The following ASCC3 variants were observed in gnomAD, a reference collection of about 807,000 sequenced individuals.
ASCC3 encodes the protein activating signal cointegrator 1 complex subunit 3, also known as ASC-1 complex subunit P200.
ASCC3 carries 158 observed loss-of-function variants against 256.3 expected under a neutral mutation model. The ratio of observed to expected loss-of-function variants is 0.62; its 90% CI spans 0.54 to 0.70. The LOEUF (loss-of-function observed/expected upper bound fraction) is 0.70. Ranked by LOEUF, ASCC3 falls within the 30% of genes least tolerant of loss-of-function variation. The pLI is 0.00. For missense variants in ASCC3, 2,259 were observed against 2,626.0 expected, an observed-to-expected ratio of 0.86 and a Z score of 3.05; for synonymous variants, 948 against 883.4, an observed-to-expected ratio of 1.07 and a Z score of -1.30.
chr6:100,533,425 A>C (rs977838083), intron 37 of ASCC3, among the ~76,000 whole-genome samples: 3 of 152,214 alleles, frequency 2.0e-5, no homozygotes, highest in African/African-American at 7.2e-5. Context: ...TAAATCTTAA[A>C]ATACATACAA....
intron 41 of ASCC3, 149 bp from the exon 42 acceptor site, chr6:100,509,682 C>CGA: frequency 2.3e-6 from 2 of 864,092 alleles, no homozygotes; most frequent in South Asian, 3.1e-5. Flanking sequence ...GGGCGGATCA[C>CGA]GAGGTCAGGA....
intron 13 of ASCC3, among the ~76,000 whole-genome samples, chr6:100,685,189 A>AC (rs1280948684): frequency 3.3e-5 from 5 of 152,206 alleles, no homozygotes; most frequent in Non-Finnish European, 5.9e-5. Context: ...AATATGGCAG[A>AC]TAGATGTCCC....
In ASCC3 at chr6:100,750,517, A is replaced by C. The variant is rs971465905; in HGVS notation, c.1737+16048T>G. On this transcript the variant is annotated intron_variant, in intron 10 of 41. Transcript: ENST00000369162. ...GAACTGTCATGGAATTTCTAGCTAC[A>C]TACCAACATTTGTGAAAAACACAAG... Among the ~76,000 whole-genome samples the C allele has an allele frequency of 1.2e-4, 18 of 147,194 alleles. 1 individual carries two copies. Among genetic ancestry groups the C allele is most frequent in the African/African-American group, 4.5e-4 (18 of 39,870 alleles).
intron 36 of ASCC3, among the ~76,000 whole-genome samples, chr6:100,546,241 A>G (rs1775712368): frequency 6.6e-6 from 1 of 152,198 alleles, no homozygotes; most frequent in African/African-American, 2.4e-5. Context: ...ACTGCTAGGA[A>G]AAAATAAAGA....
intron 4 of ASCC3, among the ~76,000 whole-genome samples, chr6:100,812,072 A>T (rs1191860466): frequency 6.6e-6 from 1 of 152,202 alleles, no homozygotes; most frequent in Non-Finnish European, 1.5e-5. Context: ...TCTCCGTAAC[A>T]AACAACATCA....
chr6:100,511,809 G>T (rs1025092934), intron 40 of ASCC3, among the ~76,000 whole-genome samples: 1 of 152,084 alleles, frequency 6.6e-6, no homozygotes, highest in Non-Finnish European at 1.5e-5. Context: ...ATCAAATGAG[G>T]TGAGACTTGA....
At chr6:100,557,760 TAGAA>T (rs1046697467) in intron 36 of ASCC3, among the ~76,000 whole-genome samples, 13 of 152,200 alleles carry the variant, frequency 8.5e-5, no homozygotes, top group South Asian at 4.1e-4. Context: ...AAAAAATAGT[TAGAA>T]AGAATAAGAC....
At chr6:100,555,752 A>C (rs1227746851) in intron 36 of ASCC3, among the ~76,000 whole-genome samples, 1 of 152,238 alleles carries the variant, frequency 6.6e-6, no homozygotes, top group East Asian at 1.9e-4. Context: ...GTCAGGTTTG[A>C]ATCCTAAAAA....
intron 4 of ASCC3, among the ~76,000 whole-genome samples, chr6:100,842,921 A>C (rs997955311): frequency 2.2e-4 from 34 of 152,016 alleles, no homozygotes; most frequent in African/African-American, 7.7e-4. Flanking sequence ...GTTATAGTAA[A>C]CTATGATCAT....
chr6:100,837,593 C>G (rs1771937876), intron 4 of ASCC3, among the ~76,000 whole-genome samples: 1 of 151,932 alleles, frequency 6.6e-6, no homozygotes, highest in African/African-American at 2.4e-5. Flanking sequence ...CATGGATGAA[C>G]CTGGAGGACA....
At chr6:100,593,839 C>A (rs1455737815) in intron 34 of ASCC3, among the ~76,000 whole-genome samples, 1 of 151,990 alleles carries the variant, frequency 6.6e-6, no homozygotes, top group Non-Finnish European at 1.5e-5. Context: ...CAGAGTAAAA[C>A]TGAACATACA....
In ASCC3 at chr6:100,548,882, A is replaced by G. The variant is rs561268735; in HGVS notation, c.5551-8495T>C. Among the ~76,000 whole-genome samples, 3 of 152,104 alleles carry G rather than the reference A, an allele frequency of 2.0e-5. No homozygotes were observed. The South Asian group carries it at 6.2e-4, about 32-fold the overall frequency. On this transcript the variant is annotated intron_variant, in intron 36 of 41. Transcript: ENST00000369162. Reference sequence around the variant, plus strand: ...CTCCGGATAGTAACAAGCCTTATATATACTATGTTTTTCCTATGTATACAT... The same window carrying G: ...CTCCGGATAGTAACAAGCCTTATATGTACTATGTTTTTCCTATGTATACAT...
In ASCC3 at chr6:100,642,676, A is replaced by C; in HGVS notation, c.3806T>G (p.Ile1269Ser). Residue 1269 changes from isoleucine to serine, a missense_variant, in exon 24 of 42, where the codon ATC (isoleucine) becomes AGC (serine). Ile to Ser is a moderately radical substitution (Grantham distance 142, BLOSUM62 -2). Transcript: ENST00000369162. Reference protein sequence around the residue: ...IFEPLPSQYYIRAVSDRWLGA... With the variant: ...IFEPLPSQYYSRAVSDRWLGA... The stretch of plus-strand genomic sequence containing the variant: ...CAACCATCTATCAGACACTGCTCGG[A>C]TGTAGTATTGGGAAGGCAAAGGCTC... The C allele has an allele frequency of 6.2e-7, 1 of 1,613,948 alleles. No individual in the cohort carries two copies. Among genetic ancestry groups the C allele is most frequent in the Non-Finnish European group, 8.5e-7 (1 of 1,179,872 alleles).
intron 10 of ASCC3, among the ~76,000 whole-genome samples, chr6:100,732,510 T>G (rs1042098697): frequency 4.6e-5 from 7 of 152,188 alleles, no homozygotes; most frequent in Admixed American, 2.0e-4. Context: ...TTTACCCATT[T>G]CAATTATTTA....
intron 36 of ASCC3, among the ~76,000 whole-genome samples, chr6:100,562,675 T>C (rs957762823): frequency 2.0e-5 from 3 of 152,126 alleles, no homozygotes; most frequent in Non-Finnish European, 1.5e-5. Flanking sequence ...AGTTTTTTTT[T>C]CTATTATAAA....
At chr6:100,628,111 AAG>A in intron 27 of ASCC3, 124 bp from the exon 28 acceptor site, 22 of 1,033,882 alleles carry the variant, frequency 2.1e-5, no homozygotes, top group South Asian at 3.0e-5. Flanking sequence ...AACAAAAAAA[AAG>A]CTAAAGCTAG....
intron 10 of ASCC3, among the ~76,000 whole-genome samples, chr6:100,760,545 T>C (rs547278824): frequency 1.5e-3 from 228 of 152,278 alleles, no homozygotes; most frequent in African/African-American, 5.4e-3. Flanking sequence ...ACTTTTAAAG[T>C]AATTATCATA....
At chr6:100,627,522 A>C in intron 29 of ASCC3, 68 bp downstream of exon 29, 1 of 1,595,694 alleles carries the variant, frequency 6.3e-7, no homozygotes, top group Non-Finnish European at 8.6e-7. Flanking sequence ...AACCAACACC[A>C]ATTAGAAGAT....
intron 19 of ASCC3, 42 bp downstream of exon 19, chr6:100,651,518 T>C (rs759715265): frequency 1.6e-6 from 2 of 1,224,674 alleles, no homozygotes; most frequent in East Asian, 2.4e-5. Flanking sequence ...AATGAATGCA[T>C]ACATGTTGTA....
Sources: gnomAD v4.1 joint callset for allele counts (sites outside exome capture counted in the v4.1 genomes callset) on GRCh38, gnomAD v4.1.1 for gene constraint, MANE v1.5 for transcripts, NCBI Gene and HGNC (gene_info 2026-07-23, HGNC 2026-07-21) for gene names.